Variants in CLEC2B observed in about 807,000 individuals in gnomAD.
The protein encoded by CLEC2B is C-type (calcium dependent, carbohydrate-recognition domain) lectin, superfamily member 2 (activation-induced).
CLEC2B carries 14 observed loss-of-function variants against 16.2 expected under a neutral mutation model. That is an observed-to-expected ratio of 0.86 (90% CI 0.57 to 1.35). CLEC2B has a LOEUF of 1.35. Among genes scored for constraint, CLEC2B ranks in the 40% most tolerant of loss-of-function variants. The pLI is 0.00. For missense variants in CLEC2B, 166 were observed against 182.3 expected, an observed-to-expected ratio of 0.91 and a Z score of 0.52; for synonymous variants, 42 against 55.8, an observed-to-expected ratio of 0.75 and a Z score of 1.10.
intron 1 of CLEC2B, among the ~76,000 whole-genome samples, chr12:9,868,317 T>C (rs1001545748): frequency 1.3e-5 from 2 of 151,978 alleles, no homozygotes; most frequent in African/African-American, 4.8e-5. Flanking sequence ...TTGATCTCAT[T>C]CCCCGCAAAC....
chr12:9,855,797 TG>T (rs1201392132), intron 3 of CLEC2B, among the ~76,000 whole-genome samples: 4 of 152,228 alleles, frequency 2.6e-5, no homozygotes, highest in African/African-American at 9.6e-5. Flanking sequence ...TCTAAATAGG[TG>T]GAAATAGATA....
At chr12:9,860,326 G>A (rs1170186508) in intron 2 of CLEC2B, among the ~76,000 whole-genome samples, 2 of 151,590 alleles carry the variant, frequency 1.3e-5, no homozygotes, top group South Asian at 2.1e-4. Context: ...GCTTATATAG[G>A]TATATATTAA....
intron 3 of CLEC2B, among the ~76,000 whole-genome samples, chr12:9,856,060 A>G (rs1867892530): frequency 6.6e-6 from 1 of 152,080 alleles, no homozygotes; most frequent in African/African-American, 2.4e-5. Flanking sequence ...AAACAGTACA[A>G]GCATTCTTCC....
intron 1 of CLEC2B, among the ~76,000 whole-genome samples, chr12:9,864,225 T>C (rs1465722713): frequency 6.8e-6 from 1 of 147,164 alleles, no homozygotes; most frequent in African/African-American, 2.5e-5. Context: ...CCTTCAAATA[T>C]GAAGAAGAGA....
intron 1 of CLEC2B, among the ~76,000 whole-genome samples, chr12:9,863,515 A>T (rs1027275766): frequency 6.6e-6 from 1 of 152,174 alleles, no homozygotes; most frequent in African/African-American, 2.4e-5. Context: ...AAGAATTCAA[A>T]ATAGTAGTTT....
intron 4 of CLEC2B, 103 bp downstream of exon 4, chr12:9,854,278 A>G (rs915672280): frequency 2.5e-4 from 164 of 669,270 alleles, no homozygotes; most frequent in Non-Finnish European, 6.9e-5. Context: ...TCTTTCTAAC[A>G]TGTGCAAAAC....
chr12:9,862,432 C>T, intron 2 of CLEC2B, 67 bp downstream of exon 2: 1 of 1,313,174 alleles, frequency 7.6e-7, no homozygotes, highest in East Asian at 3.3e-5. Context: ...AAGATCATGA[C>T]TGAGACAGAA....
intron 2 of CLEC2B, among the ~76,000 whole-genome samples, chr12:9,862,129 GTATT>G (rs1213851532): frequency 6.6e-6 from 1 of 151,982 alleles, no homozygotes; most frequent in African/African-American, 2.4e-5. Flanking sequence ...TTGCATGACT[GTATT>G]TATGATACAT....
intron 2 of CLEC2B, among the ~76,000 whole-genome samples, chr12:9,858,521 A>C (rs1372717809): frequency 6.6e-6 from 1 of 152,036 alleles, no homozygotes; most frequent in Non-Finnish European, 1.5e-5. Flanking sequence ...ATATGGTGTT[A>C]GTTTTTCAAT....
At chr12:9,864,372 T>G (rs1159293175) in intron 1 of CLEC2B, among the ~76,000 whole-genome samples, 1 of 152,114 alleles carries the variant, frequency 6.6e-6, no homozygotes, top group African/African-American at 2.4e-5. Flanking sequence ...TAAAATACAC[T>G]GATAAAATTA....
intron 1 of CLEC2B, among the ~76,000 whole-genome samples, chr12:9,868,709 A>C (rs1271474853): frequency 6.6e-6 from 1 of 152,114 alleles, no homozygotes; most frequent in African/African-American, 2.4e-5. Flanking sequence ...TAGGGTTGGT[A>C]AAGACATCTC....
At chr12:9,868,779 C>T (rs994045739) in intron 1 of CLEC2B, among the ~76,000 whole-genome samples, 6 of 151,994 alleles carry the variant, frequency 3.9e-5, no homozygotes, top group Admixed American at 6.6e-5. Flanking sequence ...ATATTCTTTC[C>T]GTTAAGTACT....
chr12:9,861,704 A>T (rs1867934186), intron 2 of CLEC2B, among the ~76,000 whole-genome samples: 1 of 152,140 alleles, frequency 6.6e-6, no homozygotes, highest in South Asian at 2.1e-4. Context: ...ATCCGCTAAT[A>T]CAGCCTGAGG....
In CLEC2B at chr12:9,862,589, A is replaced by G; in HGVS notation, c.-2-16T>C. On this transcript the variant is annotated splice_polypyrimidine_tract_variant and intron_variant, in intron 1 of 4. Coordinates refer to ENST00000228438, the MANE Select transcript of CLEC2B (RefSeq NM_005127.3). ...GTCATCATACCTGAAAAATAAAAAT[A>G]AAGACATTTAGGAGACTTCTGGCTC... 1 of 1,443,046 alleles carries G rather than the reference A, an allele frequency of 6.9e-7. No homozygotes were observed. The highest frequency in any genetic ancestry group is 9.2e-7 in the Non-Finnish European group (1 of 1,085,604). 89.4% of individuals were successfully genotyped at this position (1,443,046 alleles called of 1,614,324 possible).
Position 9,853,307 on chromosome 12 carries a change from A to G in CLEC2B, c.443T>C (p.Ile148Thr), listed in dbSNP as rs1398380607. The stretch of plus-strand genomic sequence containing the variant: ...ATTATCTTAGACATTAACTTAGTGT[A>G]TTCTTTTCCTGCAAATCCATTTTCT... ...TERKWICRKR[I>T]H Residue 148 changes from isoleucine (I) to threonine (T), a missense_variant, in exon 5 of 5, where the codon ATA becomes ACA. By Grantham distance (89) the Ile-to-Thr change is moderately conservative. Transcript: ENST00000228438. 6.2e-7 allele frequency: 1 copy of G among 1,605,352 alleles called. No homozygotes were observed. The highest frequency in any genetic ancestry group is 1.3e-5 in the African/African-American group (1 of 74,756).
At chr12:9,861,951 A>G (rs1427021553) in intron 2 of CLEC2B, among the ~76,000 whole-genome samples, 3 of 152,106 alleles carry the variant, frequency 2.0e-5, no homozygotes, top group Non-Finnish European at 4.4e-5. Flanking sequence ...CAGAGACTGT[A>G]TGGCTAACAA....
At position 9,852,522 on chromosome 12, in the gene CLEC2B, G is replaced by A. The variant is rs1461986659; in HGVS notation, c.*778C>T. ...ATAAAACTGGTTTTAGGTTACAACA[G>A]GTAGTTTTAGCAACTAGGTTTGTAG... On this transcript the variant is annotated 3_prime_UTR_variant, in exon 5 of 5. Transcript: ENST00000228438. Among the ~76,000 whole-genome samples, 1 of 152,154 alleles carries A rather than the reference G, an allele frequency of 6.6e-6. No homozygotes were observed. The highest frequency in any genetic ancestry group is 1.5e-5 in the Non-Finnish European group (1 of 68,026).
chr12:9,855,496 A>G lies in CLEC2B; in HGVS notation c.238-1012T>C, dbSNP rs762483794. ...CATGGAAAAGTTATCAGTGTGATCAATACAATGTGAAATTGGAATTTACGG... is the reference window on the plus strand; with the variant it reads ...CATGGAAAAGTTATCAGTGTGATCAGTACAATGTGAAATTGGAATTTACGG... On this transcript the variant is annotated intron_variant, in intron 3 of 4. Coordinates refer to ENST00000228438, the MANE Select transcript of CLEC2B (RefSeq NM_005127.3). Among the ~76,000 whole-genome samples the G allele has an allele frequency of 1.8e-4, 27 of 152,220 alleles. 1 individual carries two copies. Among genetic ancestry groups the G allele is most frequent in the Admixed American group, 2.6e-4 (4 of 15,262 alleles).
chr12:9,868,393 G>A (rs1867988046), intron 1 of CLEC2B, among the ~76,000 whole-genome samples: 1 of 152,008 alleles, frequency 6.6e-6, no homozygotes, highest in Non-Finnish European at 1.5e-5. Flanking sequence ...GATAAAGTGT[G>A]CATTCTATTG....
Sources: allele counts gnomAD v4.1 joint callset (sites outside exome capture counted in the v4.1 genomes callset), GRCh38; gene constraint gnomAD v4.1.1; transcripts MANE v1.5; gene names NCBI Gene and HGNC (gene_info 2026-07-23, HGNC 2026-07-21).